The following AKAP1 variants were observed in gnomAD, a reference collection of about 807,000 sequenced individuals.
AKAP1 encodes A-kinase anchor protein 1, mitochondrial.
Under a neutral mutation model 79.8 loss-of-function variants are expected in AKAP1, and 32 were observed. The observed-to-expected ratio is 0.40, with a 90% CI of 0.30 to 0.54. The LOEUF (loss-of-function observed/expected upper bound fraction) is 0.54. AKAP1 is among the 20% of genes least tolerant of loss of function. AKAP1 has a pLI of 0.47. For missense variants in AKAP1, 961 were observed against 1,138.9 expected (o/e 0.84, Z 2.25); for synonymous variants, 416 against 466.7 (o/e 0.89, Z 1.40).
At chr17:57,114,902 C>CT (rs71363891) in intron 6 of AKAP1, among the ~76,000 whole-genome samples, 24,199 of 147,624 alleles carry the variant, frequency 0.16, 2,270 homozygotes, top group Non-Finnish European at 0.22. Flanking sequence ...TTAATTTTTT[C>CT]TTTTTTTTTT....
In AKAP1 at chr17:57,086,469, C is replaced by T. The variant is rs757452720; in HGVS notation, c.-25+1071C>T. The stretch of plus-strand genomic sequence containing the variant: ...CTGGGCGTTTCGGGATCTTCCTCTC[C>T]TGGGGGATGTCCTGGGTGGCGGCGC... On this transcript the variant is annotated intron_variant, in intron 1 of 10. Coordinates refer to ENST00000337714, the MANE Select transcript of AKAP1 (RefSeq NM_003488.4). The surrounding 1 kb of genome is among the most constrained non-coding windows in gnomAD (Gnocchi z 5.1). 6.6e-6 allele frequency: 3 copies of T among 455,906 alleles called. No homozygotes were observed. In the East Asian group the frequency reaches 2.1e-4, roughly 32 times the overall value. The allele number at this position is 455,906 out of a possible 1,614,324, so 28.2% of individuals were successfully genotyped here.
At chr17:57,094,562 T>C (rs1913978939) in intron 1 of AKAP1, 1 of 151,702 alleles carries the variant, frequency 6.6e-6, no homozygotes, top group Non-Finnish European at 1.5e-5. Flanking sequence ...AATGTGGCGA[T>C]CTGGATTTGG....
intron 1 of AKAP1, among the ~76,000 whole-genome samples, chr17:57,087,291 G>A (rs1170920624): frequency 6.6e-6 from 1 of 152,166 alleles, no homozygotes; most frequent in East Asian, 1.9e-4. Context: ...GTTCCTTGTA[G>A]GAATATCTCT....
chr17:57,108,181 C>A, intron 2 of AKAP1: 1 of 342,166 alleles, frequency 2.9e-6, no homozygotes, highest in South Asian at 3.5e-5. Context: ...ATTTCAGCTC[C>A]GGGTAGGTTG....
chr17:57,117,583 T>C (rs1212784251), intron 8 of AKAP1, among the ~76,000 whole-genome samples: 6 of 152,220 alleles, frequency 3.9e-5, no homozygotes, highest in Admixed American at 2.0e-4. Context: ...TTGCTTGTCT[T>C]AAGCGATTTG....
rs189625721 is a variant in AKAP1, at chr17:57,116,191, G to A, written c.2362G>A (p.Glu788Lys). ...QVVASYEETN[E>K]VEIRYVDYGG... ...GGTTGCCTCCTACGAGGAGACCAAC[G>A]AAGTGGAGATTCGATACGTGGACTA... Residue 788 changes from glutamate (E) to lysine (K), a missense_variant, in exon 7 of 11, where the codon GAA (glutamate) becomes AAA (lysine). Around this residue, in one of 3 missense-constraint regions of AKAP1, gnomAD observed 629 missense variants for 781.1 expected, o/e 0.81. Transcript: ENST00000337714. The A allele has an allele frequency of 3.7e-6, 6 of 1,614,206 alleles. No individual in the cohort carries two copies. Among genetic ancestry groups the A allele is most frequent in the East Asian group, 2.2e-5 (1 of 44,884 alleles).
chr17:57,105,308 C>A, intron 1 of AKAP1, 133 bp from the exon 2 acceptor site: 1 of 845,508 alleles, frequency 1.2e-6, no homozygotes, highest in South Asian at 1.4e-5. Flanking sequence ...GAGGTGTGCT[C>A]CTCTTGGAGG....
chr17:57,098,216 A>G (rs1307130770), intron 1 of AKAP1, among the ~76,000 whole-genome samples: 1 of 152,262 alleles, frequency 6.6e-6, no homozygotes, highest in African/African-American at 2.4e-5. Context: ...ACTAGCCAGT[A>G]TGCATCTATT....
At chr17:57,101,863 T>C (rs987931178) in intron 1 of AKAP1, 13 of 152,228 alleles carry the variant, frequency 8.5e-5, no homozygotes, top group African/African-American at 3.1e-4. Context: ...CTTCCCAGTT[T>C]TTCCATGGGA....
Position 57,106,304 on chromosome 17 carries a change from A to G in AKAP1, c.840A>G (p.Ala280=), listed in dbSNP as rs1914858302. 6.2e-7 allele frequency: 1 copy of G among 1,614,094 alleles called. No individual in the cohort carries two copies. Among genetic ancestry groups the G allele is most frequent in the South Asian group, 1.1e-5 (1 of 91,088 alleles). ...TCGAGTCGGCTCACACAGAGCTGGC[A>G]AAGGACGATGCGGCGCCAGCACCCC... ...RFIESAHTEL[A]KDDAAPAPPV... The change falls in exon 2 of 11, where the codon GCA becomes GCG. Residue 280 remains alanine, a synonymous_variant. Transcript: ENST00000337714.
At chr17:57,087,800 A>C (rs979298651) in intron 1 of AKAP1, among the ~76,000 whole-genome samples, 1 of 152,204 alleles carries the variant, frequency 6.6e-6, no homozygotes, top group Non-Finnish European at 1.5e-5. Context: ...TCCTGCTCCC[A>C]GCCTGCAACA....
chr17:57,089,250 T>A (rs1403040886), intron 1 of AKAP1, among the ~76,000 whole-genome samples: 2 of 152,130 alleles, frequency 1.3e-5, no homozygotes, highest in African/African-American at 2.4e-5. Context: ...GGAGCACAGC[T>A]CAATGGGTAG....
rs1351455014 is a variant in AKAP1 at position 57,086,464 on chromosome 17, C to G, written c.-25+1066C>G. 2.2e-6 allele frequency: 1 copy of G among 456,270 alleles called. No individual in the cohort carries two copies. The highest frequency in any genetic ancestry group is 7.0e-5 in the East Asian group (1 of 14,352). 28.3% of individuals were successfully genotyped at this position (456,270 alleles called of 1,614,324 possible). A position where few individuals can be genotyped will look rare whatever the true frequency, so the allele number is the denominator to read the frequency against. On this transcript the variant is annotated intron_variant, in intron 1 of 10. Transcript: ENST00000337714. This position sits in a 1 kb window ranked among gnomAD's most constrained non-coding sequence, Gnocchi z 5.1. Reference sequence around the variant, plus strand: ...GAGCCCTGGGCGTTTCGGGATCTTCCTCTCCTGGGGGATGTCCTGGGTGGC... The same window carrying G: ...GAGCCCTGGGCGTTTCGGGATCTTCGTCTCCTGGGGGATGTCCTGGGTGGC...
intron 2 of AKAP1, 31 bp from the exon 3 acceptor site, chr17:57,109,994 G>A (rs200208634): frequency 2.5e-4 from 407 of 1,611,716 alleles, no homozygotes; most frequent in Non-Finnish European, 3.4e-4. Flanking sequence ...GGGTCTGTGT[G>A]TGTGCGTGCC....
chr17:57,114,201 G>A lies in AKAP1; in HGVS notation c.2104-258G>A, dbSNP rs976613579. Among the ~76,000 whole-genome samples the A allele has an allele frequency of 4.6e-5, 7 of 152,168 alleles. No homozygotes were observed. In the East Asian group the frequency reaches 1.3e-3, roughly 29 times the overall value. On this transcript the variant is annotated intron_variant, in intron 5 of 10. Transcript: ENST00000337714. ...CTTCTTGGTTGCCCAGTGTCTGTGG[G>A]ACCCTCCCTGCCTGGCCCTGAGGTG... is the stretch of plus-strand genomic sequence containing the variant.
chr17:57,093,122 G>GACCGT (rs1469517430), intron 1 of AKAP1: 1 of 152,280 alleles, frequency 6.6e-6, no homozygotes, highest in Non-Finnish European at 1.5e-5. Context: ...AGGACTAGGT[G>GACCGT]ACCGTTCCTC....
At chr17:57,109,564 C>A (rs1314411096) in intron 2 of AKAP1, among the ~76,000 whole-genome samples, 1 of 152,220 alleles carries the variant, frequency 6.6e-6, no homozygotes, top group Admixed American at 6.5e-5. Context: ...GACCCTGGGA[C>A]TGGGCCCTGG....
At chr17:57,110,847 G>A (rs1052034206) in intron 3 of AKAP1, among the ~76,000 whole-genome samples, 6 of 152,224 alleles carry the variant, frequency 3.9e-5, no homozygotes, top group African/African-American at 9.6e-5. Context: ...AAGTGGTTTC[G>A]AGCTTCTTGC....
Position 57,105,898 on chromosome 17 carries a change from T to C in AKAP1, c.434T>C (p.Leu145Pro). 1 of 1,614,226 alleles carries C rather than the reference T, an allele frequency of 6.2e-7. No homozygotes were observed. Residue 145 changes from leucine (L) to proline (P), a missense_variant, in exon 2 of 11, where the codon CTA (leucine) becomes CCA (proline). Physicochemically the swap from Leu to Pro is moderately conservative, Grantham distance 98 (BLOSUM62 -3). Transcript: ENST00000337714. The part of the protein sequence containing the change: ...LTGGEAKSIP[L>P]ECPLSSPKGV... ...GGTGGTGAAGCCAAATCGATTCCTCTAGAGTGCCCCCTTTCATCCCCAAAG... is the reference window on the plus strand; with the variant it reads ...GGTGGTGAAGCCAAATCGATTCCTCCAGAGTGCCCCCTTTCATCCCCAAAG...
Sources: allele counts gnomAD v4.1 joint callset (sites outside exome capture counted in the v4.1 genomes callset), GRCh38; gene constraint gnomAD v4.1.1; regional missense constraint gnomAD v4.1.1; non-coding constraint Gnocchi (gnomAD v3.1); transcripts MANE v1.5; gene names NCBI Gene and HGNC (gene_info 2026-07-23, HGNC 2026-07-21).